CCT5: variants seen among roughly 807,000 people sequenced by gnomAD.
The protein encoded by CCT5 is chaperonin containing TCP1 subunit 5.
In CCT5, 6 loss-of-function variants were observed where a neutral mutation model predicts 55.0. That is an observed-to-expected ratio of 0.11 (90% CI 0.06 to 0.22). The LOEUF is 0.22. Among genes scored for constraint, CCT5 ranks in the 10% least tolerant of loss-of-function variants. The probability of loss-of-function intolerance (pLI) is 1.00; values close to 1 mark genes in which losing one functional copy is unlikely to be tolerated. For synonymous variants in CCT5, 231 were observed against 243.7 expected (o/e 0.95, Z 0.49); for missense variants, 560 against 694.6 (o/e 0.81, Z 2.18).
Position 10,262,470 on chromosome 5 carries a change from GT to G in CCT5, c.1180-7del, listed in dbSNP as rs771204776. On this transcript the variant is annotated splice_polypyrimidine_tract_variant and intron_variant, in intron 8 of 10. Coordinates refer to ENST00000280326, the MANE Select transcript of CCT5 (RefSeq NM_012073.5). ...TGATCACATTAATTCAGGCAAAGCT[GT>G]TTTCCTTAGATCATTGAGGAGGCGA... 9 of 1,613,672 alleles carry G rather than the reference GT, an allele frequency of 5.6e-6. No homozygotes were observed. Among genetic ancestry groups the G allele is most frequent in the Non-Finnish European group, 7.6e-6 (9 of 1,179,994 alleles).
chr5:10,257,194 C>T lies in CCT5; in HGVS notation c.531-917C>T, dbSNP rs138510635. On this transcript the variant is annotated intron_variant, in intron 4 of 10. Transcript: ENST00000280326. Reference sequence around the variant, plus strand: ...AAAGTGTCTGCTTCTGTTGCCTTTTCCCCTGAGCAAAGCCTATGTTAGAGC... The same window carrying T: ...AAAGTGTCTGCTTCTGTTGCCTTTTTCCCTGAGCAAAGCCTATGTTAGAGC... 9.1e-3 allele frequency among the ~76,000 whole-genome samples: 1,383 copies of T among 152,288 alleles called. 20 individuals are homozygous for T. Among genetic ancestry groups the T allele is most frequent in the African/African-American group, 0.031 (1,269 of 41,542 alleles).
intron 1 of CCT5, chr5:10,251,013 A>G: frequency 3.2e-6 from 1 of 316,736 alleles, no homozygotes. Flanking sequence ...GTGCAGTGAG[A>G]AGGACAGCTA....
intron 1 of CCT5, 142 bp downstream of exon 1, chr5:10,250,587 C>A (rs1745334996): frequency 3.4e-6 from 5 of 1,479,682 alleles, no homozygotes; most frequent in African/African-American, 1.4e-5. Flanking sequence ...GGTCTCCGGC[C>A]GCTCAGCCCG....
At position 10,264,682 on chromosome 5, in the gene CCT5, A is replaced by G. The variant is rs766376854; in HGVS notation, c.1525A>G (p.Thr509Ala). ...NDMKQQHVIE[T>A]LIGKKQQISL... is the part of the protein sequence containing the mutation. ...TATGAAGCAACAGCATGTCATAGAA[A>G]CCTTGATTGGCAAAAAGCAACAGAT... is the stretch of plus-strand genomic sequence containing the variant. The change falls in exon 11 of 11, where the codon ACC becomes GCC. Residue 509 changes from threonine (T) to alanine (A), a missense_variant. Thr to Ala is a moderately conservative substitution (Grantham distance 58). Around this residue, in one of 4 missense-constraint regions of CCT5, gnomAD observed 115 missense variants for 105.0 expected, o/e 1.10. Transcript: ENST00000280326. 41 of 1,613,460 alleles carry G rather than the reference A, an allele frequency of 2.5e-5. No homozygotes were observed. In the South Asian group the frequency reaches 4.3e-4, roughly 17 times the overall value.
intron 7 of CCT5, 68 bp downstream of exon 7, chr5:10,260,979 A>C: frequency 6.5e-7 from 1 of 1,533,512 alleles, no homozygotes; most frequent in South Asian, 1.1e-5. Flanking sequence ...GGGTGTTTTG[A>C]TAGCCCTGCC....
At chr5:10,261,872 C>A (rs771215606) in intron 8 of CCT5, 127 bp downstream of exon 8, 6 of 800,026 alleles carry the variant, frequency 7.5e-6, no homozygotes, top group East Asian at 2.6e-5. Flanking sequence ...CAAACAATGA[C>A]GTATCATGGT....
intron 6 of CCT5, among the ~76,000 whole-genome samples, chr5:10,260,381 A>G (rs1199417406): frequency 6.6e-6 from 1 of 152,228 alleles, no homozygotes; most frequent in South Asian, 2.1e-4. Context: ...TCAAGTTGCA[A>G]GTGGTTCATA....
chr5:10,262,519 G>T lies in CCT5; in HGVS notation c.1218G>T (p.Leu406Phe). 6.2e-7 allele frequency: 1 copy of T among 1,614,246 alleles called. No individual in the cohort carries two copies. The change falls in exon 9 of 11, where the codon TTG becomes TTT. Residue 406 changes from leucine to phenylalanine, a missense_variant. Leu to Phe is a conservative substitution (Grantham distance 22). This residue lies in a region of CCT5 where 256 missense variants were observed against 372.4 expected (regional missense o/e 0.69). Coordinates refer to ENST00000280326, the MANE Select transcript of CCT5 (RefSeq NM_012073.5). ...EEAKRSLHDA[L>F]CVIRNLIRDN... Reference sequence around the variant, plus strand: ...CGAAACGATCCCTTCACGATGCTTTGTGTGTCATCCGGAACCTCATCCGCG... The same window carrying T: ...CGAAACGATCCCTTCACGATGCTTTTTGTGTCATCCGGAACCTCATCCGCG...
rs746171086 is a variant in CCT5 at position 10,262,598 on chromosome 5, G to A, written c.1297G>A (p.Val433Ile). 2 of 1,614,260 alleles carry A rather than the reference G, an allele frequency of 1.2e-6. No homozygotes were observed. The highest frequency in any genetic ancestry group is 1.7e-5 in the Admixed American group (1 of 60,030). The stretch of plus-strand genomic sequence containing the variant: ...TGCTGAGATATCCTGTGCCCTGGCA[G>A]TTAGCCAAGAGGCGGATAAGGTAAG... ...GAAEISCALA[V>I]SQEADKCPTL... is the part of the protein sequence containing the mutation. The change falls in exon 9 of 11, where the codon GTT becomes ATT. Residue 433 changes from valine (V) to isoleucine (I), a missense_variant. This residue lies in a region of CCT5 where 256 missense variants were observed against 372.4 expected (regional missense o/e 0.69). Transcript: ENST00000280326.
chr5:10,258,610 T>G lies in CCT5; in HGVS notation c.873+75T>G. ...GTTAGTTAGGTTTGGTTAGTAAATA[T>G]GTGTAGTCTTTCTTCAGTTCTAAAA... On this transcript the variant is annotated intron_variant, in intron 6 of 10. Coordinates refer to ENST00000280326, the MANE Select transcript of CCT5 (RefSeq NM_012073.5). 18 of 1,329,286 alleles carry G rather than the reference T, an allele frequency of 1.4e-5. No individual in the cohort carries two copies. The South Asian group carries it at 2.1e-4, about 16-fold the overall frequency. The allele number at this position is 1,329,286 out of a possible 1,614,324, so 82.3% of individuals were successfully genotyped here. A position where few individuals can be genotyped will look rare whatever the true frequency, so the allele number is the denominator to read the frequency against.
At chr5:10,259,190 C>T (rs1745831094) in intron 6 of CCT5, among the ~76,000 whole-genome samples, 3 of 152,154 alleles carry the variant, frequency 2.0e-5, no homozygotes, top group Admixed American at 2.0e-4. Context: ...TCATAGTAAT[C>T]CCAGTTCTTT....
intron 1 of CCT5, among the ~76,000 whole-genome samples, chr5:10,252,925 A>G (rs139826796): frequency 2.4e-4 from 36 of 152,128 alleles, no homozygotes; most frequent in African/African-American, 6.7e-4. Context: ...TTTCTCCTTA[A>G]AAATAATAAT....
chr5:10,255,834 T>TAA (rs1745647795), intron 3 of CCT5, 121 bp from the exon 4 acceptor site: 2 of 875,134 alleles, frequency 2.3e-6, no homozygotes, highest in Non-Finnish European at 3.7e-6. Flanking sequence ...GCCTCTAAGA[T>TAA]GACTTGCAGC....
intron 2 of CCT5, 198 bp from the exon 3 acceptor site, chr5:10,254,476 T>C (rs1412129708): frequency 2.0e-5 from 13 of 634,710 alleles, no homozygotes; most frequent in Non-Finnish European, 3.4e-5. Flanking sequence ...ACATTATACT[T>C]AATGATGCTC....
At position 10,261,430 on chromosome 5, in the gene CCT5, C is replaced by T. The variant is rs2607327; in HGVS notation, c.994-130C>T. On this transcript the variant is annotated intron_variant, in intron 7 of 10. Transcript: ENST00000280326. ...GCTTTGGGTTGAACTGGAGATGTCT[C>T]GGTCAAAGTGGGGCAGCAGTTCTAG... is the stretch of plus-strand genomic sequence containing the variant. 800,467 of 826,860 alleles carry T rather than the reference C, an allele frequency of 0.97. 388,044 individuals are homozygous for T. Among genetic ancestry groups the T allele is most frequent in the African/African-American group, 1 (59,151 of 59,396 alleles). 51.2% of individuals were successfully genotyped at this position (826,860 alleles called of 1,614,324 possible).
At chr5:10,251,493 A>G (rs555238126) in intron 1 of CCT5, among the ~76,000 whole-genome samples, 36 of 152,316 alleles carry the variant, frequency 2.4e-4, no homozygotes, top group African/African-American at 8.4e-4. Flanking sequence ...ATAATAGACC[A>G]TTCCACTAGG....
Position 10,266,377 on chromosome 5 carries a change from C to T in CCT5, c.*1594C>T, listed in dbSNP as rs985419278. On this transcript the variant is annotated 3_prime_UTR_variant, in exon 11 of 11. Coordinates refer to ENST00000280326, the MANE Select transcript of CCT5 (RefSeq NM_012073.5). ...TTTGTTTCATTTATTTGTAATAAACCTCTTCCACGTGATGTCTTTTATTTT... is the reference window on the plus strand; with the variant it reads ...TTTGTTTCATTTATTTGTAATAAACTTCTTCCACGTGATGTCTTTTATTTT... 1.1e-4 allele frequency: 17 copies of T among 152,136 alleles called. No homozygotes were observed. The highest frequency in any genetic ancestry group is 3.6e-4 in the African/African-American group (15 of 41,436). 9.4% of individuals were successfully genotyped at this position (152,136 alleles called of 1,614,324 possible). A position where few individuals can be genotyped will look rare whatever the true frequency, so the allele number is the denominator to read the frequency against.
At position 10,250,297 on chromosome 5, in the gene CCT5, G is replaced by A. The variant is rs764027464; in HGVS notation, c.-44G>A. ...AGGGAAGTGCATTCTCGCTTCCGTA[G>A]CGGTCTCCGCCGGTTGGGGGGAAGT... On this transcript the variant is annotated 5_prime_UTR_variant, in exon 1 of 11. Transcript: ENST00000280326. 1 of 1,613,480 alleles carries A rather than the reference G, an allele frequency of 6.2e-7. No individual in the cohort carries two copies. Among genetic ancestry groups the A allele is most frequent in the South Asian group, 1.1e-5 (1 of 91,026 alleles).
intron 1 of CCT5, among the ~76,000 whole-genome samples, chr5:10,253,083 T>C (rs912264749): frequency 3.3e-5 from 5 of 152,118 alleles, no homozygotes; most frequent in African/African-American, 9.7e-5. Context: ...CCTGGCACTT[T>C]GGGCAGCCAA....
Sources: gnomAD v4.1 joint callset for allele counts (sites outside exome capture counted in the v4.1 genomes callset) on GRCh38, gnomAD v4.1.1 for gene constraint, gnomAD v4.1.1 regional missense constraint, MANE v1.5 for transcripts, NCBI Gene and HGNC (gene_info 2026-07-23, HGNC 2026-07-21) for gene names.